DYNC2I1: variants seen among roughly 807,000 people sequenced by gnomAD.
DYNC2I1 encodes the protein dynein 2 intermediate chain 1.
Under a neutral mutation model 133.4 loss-of-function variants are expected in DYNC2I1, and 89 were observed. The observed-to-expected ratio is 0.67, with a 90% CI of 0.56 to 0.80. The LOEUF is 0.80. Ranked by LOEUF, DYNC2I1 falls within the 30% of genes least tolerant of loss-of-function variation. DYNC2I1 has a pLI of 0.00. For synonymous variants in DYNC2I1, 504 were observed against 484.3 expected (o/e 1.04, Z -0.54); for missense variants, 1,291 against 1,314.5 (o/e 0.98, Z 0.28).
intron 13 of DYNC2I1, among the ~76,000 whole-genome samples, chr7:158,913,815 T>A (rs1457886807): frequency 3.3e-5 from 5 of 152,192 alleles, no homozygotes; most frequent in Admixed American, 3.3e-4. Flanking sequence ...TTCAAGTGAT[T>A]CTCCTGCCTC....
intron 14 of DYNC2I1, among the ~76,000 whole-genome samples, chr7:158,915,008 G>A (rs1443157852): frequency 6.6e-6 from 1 of 152,236 alleles, no homozygotes; most frequent in Non-Finnish European, 1.5e-5. Context: ...CAGCACTTGA[G>A]TCTACTGCAG....
chr7:158,911,643 G>A lies in DYNC2I1; in HGVS notation c.1554G>A (p.Met518Ile). 1.9e-6 allele frequency: 3 copies of A among 1,611,740 alleles called. No homozygotes were observed. The highest frequency in any genetic ancestry group is 8.5e-7 in the Non-Finnish European group (1 of 1,179,332). Residue 518 changes from methionine (M) to isoleucine (I), a missense_variant, in exon 12 of 25, where the codon ATG becomes ATA. Physicochemically the swap from Met to Ile is conservative, Grantham distance 10 (BLOSUM62 1). Transcript: ENST00000407559. ...LDLPPVNEYD[M>I]YIRNFGKKNT... Reference sequence around the variant, plus strand: ...TACCACCAGTAAATGAATATGACATGTATATCAGAAACTTTGGGAAAAAAA... The same window carrying A: ...TACCACCAGTAAATGAATATGACATATATATCAGAAACTTTGGGAAAAAAA...
rs1336192957 is a variant in DYNC2I1 at position 158,926,323 on chromosome 7, A to G, written c.2371+23A>G. 25 of 1,604,338 alleles carry G rather than the reference A, an allele frequency of 1.6e-5. No homozygotes were observed. In the Middle Eastern group the frequency reaches 4.9e-4, roughly 32 times the overall value. ...AAGGTACGTGATTCTTCACTTTCTT[A>G]AAATCCTTCATCAATGGTTGTGAAA... On this transcript the variant is annotated intron_variant, in intron 18 of 24. Transcript: ENST00000407559.
intron 15 of DYNC2I1, among the ~76,000 whole-genome samples, chr7:158,920,865 ACCCAGTACCCT>A (rs1193984764): frequency 6.6e-6 from 1 of 152,170 alleles, no homozygotes; most frequent in Non-Finnish European, 1.5e-5. Context: ...CCTAGGGTCC[ACCCAGTACCCT>A]CATCACTATT....
rs189198367 is a variant in DYNC2I1, at chr7:158,897,492, T to C, written c.1060-4247T>C. ...TTTAGCAACTGTGTCTTTGATGAAA[T>C]TGGCCCATTTTACTAAGTTATCAAA... On this transcript the variant is annotated intron_variant, in intron 8 of 24. Coordinates refer to ENST00000407559, the MANE Select transcript of DYNC2I1 (RefSeq NM_018051.5). Among the ~76,000 whole-genome samples the C allele has an allele frequency of 1.2e-3, 184 of 152,304 alleles. 5 individuals are homozygous for C. In the East Asian group the frequency reaches 0.03, roughly 25 times the overall value.
chr7:158,925,493 T>G (rs767052607), intron 17 of DYNC2I1, among the ~76,000 whole-genome samples: 1 of 152,234 alleles, frequency 6.6e-6, no homozygotes, highest in Non-Finnish European at 1.5e-5. Flanking sequence ...TTTCATCAGC[T>G]GAAATGCTTT....
chr7:158,929,554 G>A (rs2129487420), intron 20 of DYNC2I1, among the ~76,000 whole-genome samples: 1 of 152,344 alleles, frequency 6.6e-6, no homozygotes. Flanking sequence ...CCAGGTGGGG[G>A]GCATGCCGGG....
intron 7 of DYNC2I1, among the ~76,000 whole-genome samples, chr7:158,889,547 C>G (rs1043002278): frequency 6.6e-6 from 1 of 152,110 alleles, no homozygotes; most frequent in Non-Finnish European, 1.5e-5. Flanking sequence ...AATTTTGTCT[C>G]TAAGCTCCAG....
chr7:158,923,591 C>G lies in DYNC2I1; in HGVS notation c.2115C>G (p.Ser705Arg). The change falls in exon 17 of 25, where the codon AGC (serine) becomes AGG (arginine). Residue 705 changes from serine to arginine, a missense_variant. Coordinates refer to ENST00000407559, the MANE Select transcript of DYNC2I1 (RefSeq NM_018051.5). ...CESQVTCCCL[S>R]PLKAFLLFAG... ...TTTAGGTCACGTGTTGCTGCTTGAG[C>G]CCTTTGAAAGCATTTTTACTGTTTG... The G allele has an allele frequency of 6.2e-7, 1 of 1,613,994 alleles. No individual in the cohort carries two copies. Among genetic ancestry groups the G allele is most frequent in the Non-Finnish European group, 8.5e-7 (1 of 1,179,892 alleles).
At chr7:158,918,958 A>T (rs1848751570) in intron 15 of DYNC2I1, 89 bp downstream of exon 15, 1 of 1,371,002 alleles carries the variant, frequency 7.3e-7, no homozygotes, top group South Asian at 1.6e-5. Context: ...TTTTATTTTA[A>T]TGTGATGGGG....
At chr7:158,892,670 G>C (rs1305433609) in intron 8 of DYNC2I1, among the ~76,000 whole-genome samples, 1 of 151,958 alleles carries the variant, frequency 6.6e-6, no homozygotes, top group Non-Finnish European at 1.5e-5. Context: ...AAGGGGCCAG[G>C]TGTGATGGCT....
intron 8 of DYNC2I1, among the ~76,000 whole-genome samples, chr7:158,895,637 T>G (rs936985086): frequency 1.3e-4 from 20 of 152,356 alleles, no homozygotes; most frequent in Non-Finnish European, 1.9e-4. Flanking sequence ...TGCCTCTACA[T>G]CTGACTTTAG....
chr7:158,876,516 A>C, intron 3 of DYNC2I1, 93 bp from the exon 4 acceptor site: 1 of 1,422,490 alleles, frequency 7.0e-7, no homozygotes, highest in Non-Finnish European at 9.2e-7. Flanking sequence ...TAACGAATAT[A>C]AAATGTGCAA....
At chr7:158,932,422 G>A (rs1050888036) in intron 21 of DYNC2I1, among the ~76,000 whole-genome samples, 5 of 152,192 alleles carry the variant, frequency 3.3e-5, no homozygotes, top group African/African-American at 9.7e-5. Flanking sequence ...GTCCGATGTT[G>A]AGGGAGGCAG....
Position 158,911,546 on chromosome 7 carries a change from A to G in DYNC2I1, c.1461-4A>G. 6.2e-7 allele frequency: 1 copy of G among 1,610,996 alleles called. No individual in the cohort carries two copies. Among genetic ancestry groups the G allele is most frequent in the South Asian group, 1.1e-5 (1 of 90,128 alleles). On this transcript the variant is annotated splice_polypyrimidine_tract_variant and splice_region_variant and intron_variant, in intron 11 of 24. Coordinates refer to ENST00000407559, the MANE Select transcript of DYNC2I1 (RefSeq NM_018051.5). ...TTTTGTCTTGTTTCCAATTTATTTC[A>G]AAGGATGCGAAGTACAAAACTGCTT...
chr7:158,868,795 T>C (rs1189921819), intron 1 of DYNC2I1, among the ~76,000 whole-genome samples: 1 of 152,232 alleles, frequency 6.6e-6, no homozygotes, highest in Non-Finnish European at 1.5e-5. Context: ...ACTCTAGAGC[T>C]GAAAGCTGCT....
At chr7:158,872,504 G>A (rs1047012233) in intron 3 of DYNC2I1, among the ~76,000 whole-genome samples, 2 of 151,874 alleles carry the variant, frequency 1.3e-5, no homozygotes, top group African/African-American at 4.8e-5. Context: ...GCATGGTGGC[G>A]TGTGCCTGTA....
intron 7 of DYNC2I1, among the ~76,000 whole-genome samples, chr7:158,889,930 C>T (rs1203986872): frequency 2.8e-5 from 4 of 142,366 alleles, no homozygotes; most frequent in Non-Finnish European, 4.5e-5. Context: ...CGCTTGAACC[C>T]GGGAGGTGGA....
Position 158,914,249 on chromosome 7 carries a change from T to TA in DYNC2I1, c.1720dup (p.Thr574AsnfsTer3). On this transcript the variant is annotated frameshift_variant, in exon 14 of 25. Transcript: ENST00000407559. LOFTEE classifies it high-confidence loss of function. ...TTTTTTTAGGCAGTGAACAAAGAGA[T>TA]ACCTCTGATGCTGTAGTTATGCCAA... 1 of 1,611,688 alleles carries TA rather than the reference T, an allele frequency of 6.2e-7. No homozygotes were observed. The highest frequency in any genetic ancestry group is 8.5e-7 in the Non-Finnish European group (1 of 1,178,900).
Sources: gnomAD v4.1 joint callset for allele counts (sites outside exome capture counted in the v4.1 genomes callset) on GRCh38, gnomAD v4.1.1 for gene constraint, MANE v1.5 for transcripts, NCBI Gene and HGNC (gene_info 2026-07-23, HGNC 2026-07-21) for gene names.